Variants in FOXN3 observed in about 807,000 individuals in gnomAD.
The protein encoded by FOXN3 is forkhead box protein N3.
Under a neutral mutation model 38.4 loss-of-function variants are expected in FOXN3, and 7 were observed. The ratio of observed to expected loss-of-function variants is 0.18; its 90% CI spans 0.10 to 0.34. The LOEUF (loss-of-function observed/expected upper bound fraction) is 0.34, where lower values mean the gene tolerates loss of function less well. FOXN3 is among the 10% of genes least tolerant of loss of function. FOXN3 has a pLI of 1.00. For synonymous variants in FOXN3, 230 were observed against 242.2 expected, an observed-to-expected ratio of 0.95 and a Z score of 0.47; for missense variants, 456 against 613.4, an observed-to-expected ratio of 0.74 and a Z score of 2.71.
intron 3 of FOXN3, among the ~76,000 whole-genome samples, chr14:89,349,142 G>A (rs1284300975): frequency 6.6e-6 from 1 of 152,124 alleles, no homozygotes; most frequent in Non-Finnish European, 1.5e-5. Context: ...TTAGTGTCAC[G>A]TCCTCCTTCA....
chr14:89,455,873 C>T (rs1052594505), intron 1 of FOXN3, among the ~76,000 whole-genome samples: 1 of 152,058 alleles, frequency 6.6e-6, no homozygotes, highest in Admixed American at 6.5e-5. Context: ...TTAAAGGATC[C>T]GAATCTCTAC....
intron 1 of FOXN3, among the ~76,000 whole-genome samples, chr14:89,610,837 G>A (rs1032360412): frequency 3.3e-5 from 5 of 152,270 alleles, no homozygotes; most frequent in Non-Finnish European, 7.4e-5. Context: ...TGTTTCCCCC[G>A]ATTTGTGCAT....
chr14:89,237,038 C>T (rs1459273610), intron 4 of FOXN3, among the ~76,000 whole-genome samples: 1 of 152,206 alleles, frequency 6.6e-6, no homozygotes, highest in Non-Finnish European at 1.5e-5. Flanking sequence ...TTCAGGCCCC[C>T]CTCTGACACA....
intron 4 of FOXN3, among the ~76,000 whole-genome samples, chr14:89,233,589 A>C (rs1884886320): frequency 6.6e-6 from 1 of 151,758 alleles, no homozygotes; most frequent in Non-Finnish European, 1.5e-5. Context: ...TTTCTTTTTT[A>C]TGATCTGTCA....
intron 1 of FOXN3, among the ~76,000 whole-genome samples, chr14:89,528,330 C>G (rs111762033): frequency 0.012 from 1,553 of 133,274 alleles, 18 homozygotes; most frequent in African/African-American, 0.041. Flanking sequence ...TACTACACAG[C>G]AATAAAGAGG....
At chr14:89,231,437 C>T (rs1884804489) in intron 4 of FOXN3, among the ~76,000 whole-genome samples, 1 of 152,030 alleles carries the variant, frequency 6.6e-6, no homozygotes, top group African/African-American at 2.4e-5. Context: ...GAGAGGGCTG[C>T]CAGGAGCTAA....
At chr14:89,325,541 C>T (rs1888056806) in intron 3 of FOXN3, among the ~76,000 whole-genome samples, 1 of 152,196 alleles carries the variant, frequency 6.6e-6, no homozygotes, top group Non-Finnish European at 1.5e-5. Context: ...GGTGGAGAAC[C>T]ACCCTCTTTG....
intron 4 of FOXN3, among the ~76,000 whole-genome samples, chr14:89,265,935 C>T (rs1176068357): frequency 2.0e-5 from 3 of 152,136 alleles, no homozygotes; most frequent in African/African-American, 4.8e-5. Context: ...CTGAAACAGC[C>T]TTAGCCAGAC....
intron 1 of FOXN3, among the ~76,000 whole-genome samples, chr14:89,558,697 GGGA>G (rs1429517160): frequency 6.6e-6 from 1 of 152,246 alleles, no homozygotes; most frequent in Non-Finnish European, 1.5e-5. Context: ...CCACCCCTCA[GGGA>G]AGGTGGTGCA....
chr14:89,514,809 G>A (rs565264908), intron 1 of FOXN3, among the ~76,000 whole-genome samples: 1 of 152,142 alleles, frequency 6.6e-6, no homozygotes, highest in South Asian at 2.1e-4. Flanking sequence ...TCTATCTGTC[G>A]CACTGTCCTG....
At chr14:89,617,562 G>A (rs78176862) in intron 1 of FOXN3, among the ~76,000 whole-genome samples, 5,601 of 152,196 alleles carry the variant, frequency 0.037, 126 homozygotes, top group Non-Finnish European at 0.052. Flanking sequence ...TTTTTTAAAA[G>A]ACTCAGATCA....
intron 1 of FOXN3, among the ~76,000 whole-genome samples, chr14:89,472,515 T>C (rs1011651076): frequency 1.2e-4 from 18 of 151,944 alleles, no homozygotes; most frequent in African/African-American, 4.1e-4. Flanking sequence ...GGTCAGGAGA[T>C]CGAGACCACC....
chr14:89,350,654 G>T lies in FOXN3; in HGVS notation c.680+18C>A. Reference sequence around the variant, plus strand: ...TGCCATTTCAGTAGACCAAAAAAAAGAAGTCTGAATTGCTTACCTTTGATA... The same window carrying T: ...TGCCATTTCAGTAGACCAAAAAAAATAAGTCTGAATTGCTTACCTTTGATA... On this transcript the variant is annotated intron_variant, in intron 3 of 5. Transcript: ENST00000557258. The T allele has an allele frequency of 3.4e-6, 5 of 1,492,218 alleles. No individual in the cohort carries two copies. The highest frequency in any genetic ancestry group is 1.4e-5 in the South Asian group (1 of 73,840). The allele number at this position is 1,492,218 out of a possible 1,614,324, so 92.4% of individuals were successfully genotyped here.
chr14:89,333,998 A>ATG (rs1888355040), intron 3 of FOXN3, among the ~76,000 whole-genome samples: 1 of 58,732 alleles, frequency 1.7e-5, no homozygotes, highest in African/African-American at 5.2e-5. Flanking sequence ...ATATATATAT[A>ATG]TATATATATA....
intron 4 of FOXN3, among the ~76,000 whole-genome samples, chr14:89,232,124 C>T (rs949026617): frequency 1.3e-5 from 2 of 152,208 alleles, no homozygotes; most frequent in South Asian, 2.1e-4. Flanking sequence ...GTAGAACTCA[C>T]TGATTTATTG....
At chr14:89,291,175 T>C in intron 3 of FOXN3, 1 of 477,720 alleles carries the variant, frequency 2.1e-6, no homozygotes, top group South Asian at 1.6e-5. Context: ...GGGGGCACAG[T>C]TATGCAGCCA....
At chr14:89,582,785 C>T (rs2139913184) in intron 1 of FOXN3, among the ~76,000 whole-genome samples, 1 of 152,270 alleles carries the variant, frequency 6.6e-6, no homozygotes, top group South Asian at 2.1e-4. Context: ...AGCCATCTCC[C>T]CTGCCATCTC....
intron 4 of FOXN3, among the ~76,000 whole-genome samples, chr14:89,269,250 A>G (rs984330601): frequency 1.3e-5 from 2 of 152,134 alleles, no homozygotes; most frequent in African/African-American, 2.4e-5. Flanking sequence ...GGGGCCAACC[A>G]GTGTATGCTG....
chr14:89,329,168 C>T (rs931221433), intron 3 of FOXN3, among the ~76,000 whole-genome samples: 8 of 152,174 alleles, frequency 5.3e-5, no homozygotes, highest in African/African-American at 1.7e-4. Flanking sequence ...GCACCCCTCA[C>T]GGAACCAAGC....
Sources: allele counts gnomAD v4.1 joint callset (sites outside exome capture counted in the v4.1 genomes callset), GRCh38; gene constraint gnomAD v4.1.1; transcripts MANE v1.5; gene names NCBI Gene and HGNC (gene_info 2026-07-23, HGNC 2026-07-21).